RTN1: variants seen among roughly 807,000 people sequenced by gnomAD.
RTN1 encodes the protein reticulon 1.
A neutral mutation model predicts 65.5 loss-of-function variants in RTN1; 25 were observed. The ratio of observed to expected loss-of-function variants is 0.38; its 90% CI spans 0.28 to 0.53. RTN1 has a LOEUF of 0.53. Among genes scored for constraint, RTN1 ranks in the 20% least tolerant of loss-of-function variants. The pLI, the probability that RTN1 is intolerant of heterozygous loss-of-function variation, is 0.79. For synonymous variants in RTN1, 471 were observed against 447.6 expected (o/e 1.05, Z -0.66); for missense variants, 983 against 1,025.4 (o/e 0.96, Z 0.57).
chr14:59,610,223 C>T (rs2140167055), intron 3 of RTN1: 1 of 715,544 alleles, frequency 1.4e-6, no homozygotes, highest in South Asian at 1.5e-5. Context: ...ATGGACTTTC[C>T]TTGAAGAAAC....
At chr14:59,843,009 A>G (rs575489256) in intron 1 of RTN1, among the ~76,000 whole-genome samples, 12 of 152,366 alleles carry the variant, frequency 7.9e-5, no homozygotes, top group African/African-American at 2.9e-4. Flanking sequence ...AAATGTTTCC[A>G]CAGGTTCACA....
chr14:59,668,700 C>T lies in RTN1; in HGVS notation c.1765+58219G>A, dbSNP rs549228665. On this transcript the variant is annotated intron_variant, in intron 3 of 8. Coordinates refer to ENST00000267484, the MANE Select transcript of RTN1 (RefSeq NM_021136.3). ...AATCGGAGAAAATTTTTGCAATCTA[C>T]CCATCTGACAAAGGGCTAATATCCA... Among the ~76,000 whole-genome samples the T allele has an allele frequency of 4.9e-4, 75 of 152,242 alleles. 1 individual carries two copies. Among genetic ancestry groups the T allele is most frequent in the South Asian group, 8.3e-4 (4 of 4,822 alleles).
At chr14:59,775,391 T>C (rs1886032741) in intron 1 of RTN1, among the ~76,000 whole-genome samples, 1 of 152,180 alleles carries the variant, frequency 6.6e-6, no homozygotes, top group African/African-American at 2.4e-5. Flanking sequence ...ACCTTTTTTT[T>C]TGTAGGAGCT....
At chr14:59,717,611 G>T (rs1046087443) in intron 3 of RTN1, among the ~76,000 whole-genome samples, 1 of 152,168 alleles carries the variant, frequency 6.6e-6, no homozygotes, top group African/African-American at 2.4e-5. Context: ...GTGGCATTGT[G>T]GGGTGGAGAG....
rs868795675 is a variant in RTN1, at chr14:59,671,770, T to C, written c.1765+55149A>G. 6.6e-5 allele frequency among the ~76,000 whole-genome samples: 10 copies of C among 152,308 alleles called. No individual in the cohort carries two copies. The Middle Eastern group carries it at 0.01, about 155-fold the overall frequency. ...AAGCTTTTGAACCTGAAAAGGCCAA[T>C]GCTTAGGCGGGGAACAGCTCTAAGC... On this transcript the variant is annotated intron_variant, in intron 3 of 8. Transcript: ENST00000267484.
At chr14:59,755,032 C>T (rs1401990076) in intron 1 of RTN1, among the ~76,000 whole-genome samples, 1 of 152,148 alleles carries the variant, frequency 6.6e-6, no homozygotes, top group Non-Finnish European at 1.5e-5. Context: ...GGTTAAGTGC[C>T]TACAGATGCC....
In RTN1 at chr14:59,727,979, T is replaced by C. The variant is rs537165941; in HGVS notation, c.1016-311A>G. 1.3e-5 allele frequency among the ~76,000 whole-genome samples: 2 copies of C among 152,228 alleles called. No individual in the cohort carries two copies. Among genetic ancestry groups the C allele is most frequent in the Non-Finnish European group, 2.9e-5 (2 of 68,032 alleles). Reference sequence around the variant, plus strand: ...GCAACAGAATCTCAGTTGGTGTTCCTGTTTCAATGCAGAGAAGATTCTACA... The same window carrying C: ...GCAACAGAATCTCAGTTGGTGTTCCCGTTTCAATGCAGAGAAGATTCTACA... On this transcript the variant is annotated intron_variant, in intron 2 of 8. Coordinates refer to ENST00000267484, the MANE Select transcript of RTN1 (RefSeq NM_021136.3). This position sits in a 1 kb window ranked among gnomAD's most constrained non-coding sequence, Gnocchi z 4.2.
chr14:59,723,694 T>C (rs75278460), intron 3 of RTN1, among the ~76,000 whole-genome samples: 3,565 of 152,322 alleles, frequency 0.023, 130 homozygotes, highest in African/African-American at 0.081. Context: ...AAGAATCACA[T>C]ATGCACTTAT....
intron 3 of RTN1, among the ~76,000 whole-genome samples, chr14:59,637,567 C>G (rs968078692): frequency 1.3e-5 from 2 of 151,920 alleles, no homozygotes; most frequent in African/African-American, 4.8e-5. Context: ...CAAAAATTAG[C>G]TGGGTGTGGT....
chr14:59,797,256 A>C (rs1285073463), intron 1 of RTN1, among the ~76,000 whole-genome samples: 1 of 152,190 alleles, frequency 6.6e-6, no homozygotes, highest in African/African-American at 2.4e-5. Context: ...TTCTATAAGC[A>C]CAGAGAGTAT....
chr14:59,628,117 T>C (rs1882449379), intron 3 of RTN1, among the ~76,000 whole-genome samples: 1 of 152,104 alleles, frequency 6.6e-6, no homozygotes, highest in South Asian at 2.1e-4. Flanking sequence ...GGAGGATTGC[T>C]TGAGGCCAGG....
chr14:59,661,042 A>C (rs1182997585), intron 3 of RTN1, among the ~76,000 whole-genome samples: 2 of 152,054 alleles, frequency 1.3e-5, no homozygotes. Context: ...ACAATAAAAA[A>C]TGATAAAGGG....
intron 1 of RTN1, among the ~76,000 whole-genome samples, chr14:59,749,188 C>T (rs1215289795): frequency 2.8e-5 from 2 of 71,538 alleles, no homozygotes; most frequent in Non-Finnish European, 4.7e-5. Context: ...ATATATCTAT[C>T]TATATATATC....
chr14:59,630,337 G>T, intron 3 of RTN1: 1 of 1,369,328 alleles, frequency 7.3e-7, no homozygotes, highest in Non-Finnish European at 1.0e-6. Flanking sequence ...AAAGCTCTGG[G>T]GTATAAAGCA....
intron 1 of RTN1, among the ~76,000 whole-genome samples, chr14:59,761,140 C>T (rs1218088043): frequency 2.0e-5 from 3 of 152,144 alleles, no homozygotes; most frequent in African/African-American, 7.2e-5. Flanking sequence ...CAGTCTTAGC[C>T]TCTGCACTGG....
chr14:59,618,746 T>C lies in RTN1; in HGVS notation c.1766-11254A>G, dbSNP rs551600519. On this transcript the variant is annotated intron_variant, in intron 3 of 8. Coordinates refer to ENST00000267484, the MANE Select transcript of RTN1 (RefSeq NM_021136.3). The stretch of plus-strand genomic sequence containing the variant: ...ATTACATGTTAAGTGTCCCCAAAAG[T>C]TATGTAAAATTAGTTTAGGGAAATC... Among the ~76,000 whole-genome samples the C allele has an allele frequency of 2.0e-5, 3 of 152,328 alleles. No individual in the cohort carries two copies. The South Asian group carries it at 6.2e-4, about 32-fold the overall frequency.
chr14:59,728,295 A>C (rs946217563), intron 2 of RTN1, among the ~76,000 whole-genome samples: 1 of 141,128 alleles, frequency 7.1e-6, no homozygotes, highest in Non-Finnish European at 1.5e-5. Context: ...GGAGCAATGT[A>C]AGAGATCACT....
In RTN1 at chr14:59,870,571, C is replaced by G; in HGVS notation, c.60G>C (p.Gln20His). The change falls in exon 1 of 9, where the codon CAG becomes CAC. Residue 20 changes from glutamine (Q) to histidine (H), a missense_variant. By Grantham distance (24) the Gln-to-His change is conservative. Transcript: ENST00000267484. This position sits in a 1 kb window ranked among gnomAD's most constrained non-coding sequence, Gnocchi z 5.1. ...CCCCCTCCCCCCGGTGCCTGAGCCA[C>G]TGGGACCCGGGGCCGGCCAGCGGCA... Reference protein sequence around the residue: ...ELLPLAGPGSQWLRHRGEGEN... With the variant: ...ELLPLAGPGSHWLRHRGEGEN... The G allele has an allele frequency of 6.9e-7, 1 of 1,455,476 alleles. No individual in the cohort carries two copies. Among genetic ancestry groups the G allele is most frequent in the Non-Finnish European group, 9.0e-7 (1 of 1,109,174 alleles). The allele number at this position is 1,455,476 out of a possible 1,614,324, so 90.2% of individuals were successfully genotyped here.
chr14:59,807,803 A>T (rs1424659443), intron 1 of RTN1, among the ~76,000 whole-genome samples: 1 of 152,250 alleles, frequency 6.6e-6, no homozygotes, highest in African/African-American at 2.4e-5. Flanking sequence ...TTATTCCAGC[A>T]TTCATCCAAA....
Sources: gnomAD v4.1 joint callset for allele counts (sites outside exome capture counted in the v4.1 genomes callset) on GRCh38, gnomAD v4.1.1 for gene constraint, Gnocchi (gnomAD v3.1) non-coding constraint, MANE v1.5 for transcripts, NCBI Gene and HGNC (gene_info 2026-07-23, HGNC 2026-07-21) for gene names.